Variants in SNTG1 observed in about 807,000 individuals in gnomAD.
SNTG1 encodes gamma-1-syntrophin.
In SNTG1, 39 loss-of-function variants were observed where a neutral mutation model predicts 74.7. The ratio of observed to expected loss-of-function variants is 0.52; its 90% CI spans 0.40 to 0.68. The LOEUF (loss-of-function observed/expected upper bound fraction) is 0.68. SNTG1 is among the 30% of genes least tolerant of loss of function. The pLI is 0.00. For synonymous variants in SNTG1, 254 were observed against 217.1 expected (o/e 1.17, Z -1.49); for missense variants, 685 against 609.5 (o/e 1.12, Z -1.30).
At chr8:50,244,728 A>T (rs2086315605) in intron 2 of SNTG1, among the ~76,000 whole-genome samples, 1 of 152,204 alleles carries the variant, frequency 6.6e-6, no homozygotes, top group South Asian at 2.1e-4. Context: ...ATGAATATTT[A>T]CCAACTCTTT....
intron 1 of SNTG1, among the ~76,000 whole-genome samples, chr8:50,103,890 C>G (rs941808183): frequency 2.6e-5 from 4 of 152,136 alleles, no homozygotes; most frequent in African/African-American, 9.7e-5. Flanking sequence ...TTGAACCAGC[C>G]TTGCATCCCA....
At chr8:50,381,618 T>TTATATA (rs1331301961) in intron 2 of SNTG1, among the ~76,000 whole-genome samples, 1 of 132,344 alleles carries the variant, frequency 7.6e-6, no homozygotes, top group Non-Finnish European at 1.6e-5. Context: ...CTCCTATTAG[T>TTATATA]TATATATATA....
intron 5 of SNTG1, among the ~76,000 whole-genome samples, chr8:50,441,642 G>A (rs2093358740): frequency 1.3e-5 from 2 of 151,990 alleles, no homozygotes; most frequent in South Asian, 4.2e-4. Flanking sequence ...TTCAAATTTT[G>A]TCTAGTTTTC....
chr8:50,728,898 A>G (rs1399740823), intron 17 of SNTG1, among the ~76,000 whole-genome samples: 1 of 152,178 alleles, frequency 6.6e-6, no homozygotes, highest in Non-Finnish European at 1.5e-5. Flanking sequence ...TTTGCAGAAA[A>G]TGGATACCCA....
At chr8:50,719,555 C>G (rs1016675020) in intron 17 of SNTG1, among the ~76,000 whole-genome samples, 6 of 152,128 alleles carry the variant, frequency 3.9e-5, no homozygotes, top group Admixed American at 2.6e-4. Flanking sequence ...CTCTTAGAAT[C>G]CAAGAAATCT....
intron 1 of SNTG1, among the ~76,000 whole-genome samples, chr8:50,148,114 A>G (rs954272185): frequency 6.6e-6 from 1 of 152,184 alleles, no homozygotes. Flanking sequence ...GTGTGTGTAT[A>G]CATAGATATA....
intron 2 of SNTG1, among the ~76,000 whole-genome samples, chr8:50,375,807 G>A (rs34365466): frequency 0.16 from 23,740 of 152,170 alleles, 2,300 homozygotes; most frequent in Middle Eastern, 0.25. Flanking sequence ...TTACATGTAT[G>A]TTTTATATAT....
intron 15 of SNTG1, among the ~76,000 whole-genome samples, chr8:50,685,183 G>A (rs1406739128): frequency 6.6e-6 from 1 of 152,090 alleles, no homozygotes. Context: ...TGTGGTCAAT[G>A]TATTCTCTGC....
At chr8:50,068,273 C>G (rs181656993) in intron 1 of SNTG1, among the ~76,000 whole-genome samples, 1 of 152,268 alleles carries the variant, frequency 6.6e-6, no homozygotes, top group Admixed American at 6.5e-5. Flanking sequence ...TCACATTCAT[C>G]AGGCATTATC....
chr8:50,120,025 T>C (rs180784722), intron 1 of SNTG1, among the ~76,000 whole-genome samples: 1 of 142,086 alleles, frequency 7.0e-6, no homozygotes, highest in East Asian at 2.0e-4. Flanking sequence ...CAGTAGAAGA[T>C]GAAGATGAAA....
intron 2 of SNTG1, among the ~76,000 whole-genome samples, chr8:50,300,101 T>C (rs2089580321): frequency 6.6e-6 from 1 of 152,162 alleles, no homozygotes; most frequent in African/African-American, 2.4e-5. Context: ...AAAGAGGAAC[T>C]AAATGCAGAG....
intron 2 of SNTG1, among the ~76,000 whole-genome samples, chr8:50,320,431 T>A (rs926668870): frequency 6.6e-6 from 1 of 152,134 alleles, no homozygotes; most frequent in Admixed American, 6.5e-5. Context: ...ACTACAGATT[T>A]GACAATTTTG....
intron 13 of SNTG1, among the ~76,000 whole-genome samples, chr8:50,639,152 T>C (rs2095056695): frequency 6.6e-6 from 1 of 151,834 alleles, no homozygotes; most frequent in African/African-American, 2.4e-5. Flanking sequence ...AATACAAGTT[T>C]AAAGTTCTGT....
chr8:50,594,466 T>C (rs2094713633), intron 13 of SNTG1, among the ~76,000 whole-genome samples: 1 of 152,014 alleles, frequency 6.6e-6, no homozygotes, highest in Admixed American at 6.6e-5. Context: ...TTATTTATAT[T>C]AGTTTAAATT....
At chr8:50,738,500 T>G (rs2095534672) in intron 17 of SNTG1, among the ~76,000 whole-genome samples, 1 of 152,162 alleles carries the variant, frequency 6.6e-6, no homozygotes, top group Non-Finnish European at 1.5e-5. Context: ...AATTTATAGA[T>G]TCAATGCTAT....
chr8:50,267,715 C>A (rs1037372414), intron 2 of SNTG1, among the ~76,000 whole-genome samples: 1 of 152,118 alleles, frequency 6.6e-6, no homozygotes, highest in African/African-American at 2.4e-5. Flanking sequence ...ATAGTAGTAT[C>A]ATTTGATGCA....
chr8:50,445,767 C>T (rs2093401158), intron 5 of SNTG1, among the ~76,000 whole-genome samples: 1 of 152,182 alleles, frequency 6.6e-6, no homozygotes, highest in African/African-American at 2.4e-5. Flanking sequence ...ACAGTCCCGC[C>T]CAGGAGTGCC....
rs199821436 is a variant in SNTG1 at position 50,530,205 on chromosome 8, C to T, written c.495C>T (p.Thr165=). 2 of 1,613,724 alleles carry T rather than the reference C, an allele frequency of 1.2e-6. No homozygotes were observed. Among genetic ancestry groups the T allele is most frequent in the East Asian group, 4.5e-5 (2 of 44,826 alleles). ...ACAPSDQSSG[T]SSPLCDSGLH... is the part of the protein sequence containing the mutation. ...CTCCAAGTGACCAGAGCAGTGGCAC[C>T]TCCTCTCCTCTCTGTGACAGTGGCT... The change falls in exon 10 of 19, where the codon ACC becomes ACT. Residue 165 remains threonine (T), a synonymous_variant. Transcript: ENST00000642720.
chr8:50,019,470 C>T (rs1272922955), intron 1 of SNTG1, among the ~76,000 whole-genome samples: 1 of 151,970 alleles, frequency 6.6e-6, no homozygotes, highest in Non-Finnish European at 1.5e-5. Flanking sequence ...TTTACACTTC[C>T]CCCTTGTTCT....
Sources: gnomAD v4.1 joint callset for allele counts (sites outside exome capture counted in the v4.1 genomes callset) on GRCh38, gnomAD v4.1.1 for gene constraint, MANE v1.5 for transcripts, NCBI Gene and HGNC (gene_info 2026-07-23, HGNC 2026-07-21) for gene names.